The following KIF5A variants were observed in gnomAD, a reference collection of about 807,000 sequenced individuals.
KIF5A encodes the protein kinesin family member 5A, also known as kinesin heavy chain isoform 5A.
KIF5A carries 35 observed loss-of-function variants against 141.3 expected under a neutral mutation model. That is an observed-to-expected ratio of 0.25 (90% CI 0.19 to 0.33). KIF5A has a LOEUF of 0.33. Ranked by LOEUF, KIF5A falls within the 10% of genes least tolerant of loss-of-function variation. KIF5A has a pLI of 1.00. For synonymous variants in KIF5A, 448 were observed against 500.2 expected, an observed-to-expected ratio of 0.90 and a Z score of 1.39; for missense variants, 861 against 1,314.3, an observed-to-expected ratio of 0.66 and a Z score of 5.33.
rs962348444 is a variant in KIF5A, at chr12:57,572,447, C to T, written c.1570-133C>T. The T allele has an allele frequency of 2.5e-5, 34 of 1,345,222 alleles. No homozygotes were observed. Among genetic ancestry groups the T allele is most frequent in the Admixed American group, 7.8e-5 (4 of 50,992 alleles). The allele number at this position is 1,345,222 out of a possible 1,614,324, so 83.3% of individuals were successfully genotyped here. A position where few individuals can be genotyped will look rare whatever the true frequency, so the allele number is the denominator to read the frequency against. On this transcript the variant is annotated intron_variant, in intron 14 of 28. Transcript: ENST00000455537. This position sits in a 1 kb window ranked among gnomAD's most constrained non-coding sequence, Gnocchi z 4.2. ...TTCCCCTCACAGTCCCTCTGTCTTT[C>T]AGACTCTTCTGCAGGGCCTGTGTTC...
Position 57,569,975 on chromosome 12 carries a change from G to C in KIF5A, c.1118-12G>C. The C allele has an allele frequency of 6.2e-7, 1 of 1,612,464 alleles. No individual in the cohort carries two copies. On this transcript the variant is annotated splice_polypyrimidine_tract_variant and intron_variant, in intron 11 of 28. Transcript: ENST00000455537. The stretch of plus-strand genomic sequence containing the variant: ...CTTCTTCCATCTCTCACCTCGTCTT[G>C]CCCCTTTGCAGGAGAGAATGTGCCT...
In KIF5A at chr12:57,572,193, G is replaced by A. The variant is rs1467600087; in HGVS notation, c.1495G>A (p.Asp499Asn). The A allele has an allele frequency of 6.2e-7, 1 of 1,613,404 alleles. No homozygotes were observed. Among genetic ancestry groups the A allele is most frequent in the Non-Finnish European group, 8.5e-7 (1 of 1,179,744 alleles). The stretch of plus-strand genomic sequence containing the variant: ...CCTGGAGGAGCTGGCTGTGAACTAT[G>A]ACCAGAAGTCCCAGGAGGTGGAGGA... Reference protein sequence around the residue: ...QALEELAVNYDQKSQEVEEKS... With the variant: ...QALEELAVNYNQKSQEVEEKS... The change falls in exon 14 of 29, where the codon GAC (aspartate) becomes AAC (asparagine). Residue 499 changes from aspartate to asparagine, a missense_variant. Transcript: ENST00000455537. The surrounding 1 kb of genome is among the most constrained non-coding windows in gnomAD (Gnocchi z 4.2).
At position 57,572,056 on chromosome 12, in the gene KIF5A, T is replaced by C. The variant is rs747818828; in HGVS notation, c.1363-5T>C. ...TTTCCCACATGCCACTCCTCTCCCT[T>C]GAAGCTGCTGGTGTCCACCCGAGGA... On this transcript the variant is annotated splice_region_variant and splice_polypyrimidine_tract_variant and intron_variant, in intron 13 of 28. Transcript: ENST00000455537. This position sits in a 1 kb window ranked among gnomAD's most constrained non-coding sequence, Gnocchi z 4.2. 3 of 1,612,410 alleles carry C rather than the reference T, an allele frequency of 1.9e-6. No individual in the cohort carries two copies. Among genetic ancestry groups the C allele is most frequent in the Non-Finnish European group, 2.5e-6 (3 of 1,179,760 alleles).
At chr12:57,559,055 G>A (rs1310393195) in intron 1 of KIF5A, among the ~76,000 whole-genome samples, 3 of 152,186 alleles carry the variant, frequency 2.0e-5, no homozygotes, top group African/African-American at 7.2e-5. Flanking sequence ...CGGATTACAC[G>A]GTACATGAGC....
chr12:57,576,170 A>G lies in KIF5A; in HGVS notation c.2088+19A>G. 6.2e-7 allele frequency: 1 copy of G among 1,613,736 alleles called. No individual in the cohort carries two copies. The highest frequency in any genetic ancestry group is 8.5e-7 in the Non-Finnish European group (1 of 1,179,590). ...AGTGAAGGTGAGTAAGGAAGGTGTC[A>G]GGGACAATTGGGGCCTGGTGTGGTG... On this transcript the variant is annotated intron_variant, in intron 18 of 28. Coordinates refer to ENST00000455537, the MANE Select transcript of KIF5A (RefSeq NM_004984.4).
intron 7 of KIF5A, 83 bp from the exon 8 acceptor site, chr12:57,567,411 G>C: frequency 6.4e-7 from 1 of 1,567,790 alleles, no homozygotes; most frequent in Non-Finnish European, 8.7e-7. Flanking sequence ...TGGGTGGGCG[G>C]GGCTGGGGTC....
intron 23 of KIF5A, 56 bp downstream of exon 23, chr12:57,578,398 C>T: frequency 2.5e-6 from 3 of 1,204,204 alleles, no homozygotes; most frequent in Non-Finnish European, 3.7e-6. Flanking sequence ...GCTAGCATAC[C>T]AAATCCTCAG....
intron 1 of KIF5A, among the ~76,000 whole-genome samples, chr12:57,551,231 T>G (rs1335961940): frequency 6.6e-6 from 1 of 152,160 alleles, no homozygotes; most frequent in East Asian, 1.9e-4. Flanking sequence ...GAACTAATAT[T>G]AACAGTGGGC....
chr12:57,565,121 A>G (rs1428402352), intron 6 of KIF5A, 148 bp downstream of exon 6: 1 of 748,100 alleles, frequency 1.3e-6, no homozygotes. Context: ...CTAGGGGATC[A>G]GAAAAGATAC....
rs1316537934 is a variant in KIF5A at position 57,572,063 on chromosome 12, G to T, written c.1365G>T (p.Leu455=). ...LKQQMLDQEE[L]LVSTRGDNEK... is the part of the protein sequence containing the mutation. ...CATGCCACTCCTCTCCCTTGAAGCTGCTGGTGTCCACCCGAGGAGACAACG... is the reference window on the plus strand; with the variant it reads ...CATGCCACTCCTCTCCCTTGAAGCTTCTGGTGTCCACCCGAGGAGACAACG... Residue 455 remains leucine (L), a splice_region_variant and synonymous_variant, in exon 14 of 29, where the codon CTG becomes CTT. Transcript: ENST00000455537. The surrounding 1 kb of genome is among the most constrained non-coding windows in gnomAD (Gnocchi z 4.2). 6.2e-7 allele frequency: 1 copy of T among 1,612,884 alleles called. No individual in the cohort carries two copies. The highest frequency in any genetic ancestry group is 2.2e-5 in the East Asian group (1 of 44,880).
rs1001932056 is a variant in KIF5A at position 57,572,448 on chromosome 12, A to G, written c.1570-132A>G. ...TCCCCTCACAGTCCCTCTGTCTTTCAGACTCTTCTGCAGGGCCTGTGTTCT... is the reference window on the plus strand; with the variant it reads ...TCCCCTCACAGTCCCTCTGTCTTTCGGACTCTTCTGCAGGGCCTGTGTTCT... On this transcript the variant is annotated intron_variant, in intron 14 of 28. Transcript: ENST00000455537. The surrounding 1 kb of genome is among the most constrained non-coding windows in gnomAD (Gnocchi z 4.2). 1.5e-6 allele frequency: 2 copies of G among 1,349,388 alleles called. No individual in the cohort carries two copies. The highest frequency in any genetic ancestry group is 2.1e-6 in the Non-Finnish European group (2 of 964,988). The allele number at this position is 1,349,388 out of a possible 1,614,324, so 83.6% of individuals were successfully genotyped here. A position where few individuals can be genotyped will look rare whatever the true frequency, so the allele number is the denominator to read the frequency against.
intron 1 of KIF5A, among the ~76,000 whole-genome samples, chr12:57,562,744 G>A (rs2140158287): frequency 6.6e-6 from 1 of 152,240 alleles, no homozygotes; most frequent in Middle Eastern, 3.4e-3. Context: ...CAGGGTACGT[G>A]GATCTGTTGA....
chr12:57,561,605 A>G (rs1767281981), intron 1 of KIF5A, among the ~76,000 whole-genome samples: 1 of 152,182 alleles, frequency 6.6e-6, no homozygotes, highest in African/African-American at 2.4e-5. Flanking sequence ...ATTAAAAAAC[A>G]TTTATTAGTT....
intron 27 of KIF5A, 171 bp from the exon 28 acceptor site, chr12:57,582,930 T>C: frequency 4.3e-6 from 3 of 689,916 alleles, no homozygotes; most frequent in South Asian, 3.3e-5. Context: ...CCTTGTGACA[T>C]TGGACAAGTC....
chr12:57,553,958 C>T (rs189494439), intron 1 of KIF5A, among the ~76,000 whole-genome samples: 9 of 151,906 alleles, frequency 5.9e-5, no homozygotes, highest in Middle Eastern at 3.4e-3. Context: ...ACAGAGTCTT[C>T]GATTACCTGG....
rs1351145896 is a variant in KIF5A at position 57,567,677 on chromosome 12, T to C, written c.714+59T>C. 4.9e-5 allele frequency: 73 copies of C among 1,487,650 alleles called. No homozygotes were observed. In the South Asian group the frequency reaches 8.1e-4, roughly 17 times the overall value. 92.2% of individuals were successfully genotyped at this position (1,487,650 alleles called of 1,614,324 possible). A position where few individuals can be genotyped will look rare whatever the true frequency, so the allele number is the denominator to read the frequency against. ...GCCTTGGCTCTTTTTTTTTTTTTTT[T>C]TGAGACAGAGTCTCACTCTGTCGCC... is the stretch of plus-strand genomic sequence containing the variant. On this transcript the variant is annotated intron_variant, in intron 8 of 28. Transcript: ENST00000455537.
rs2140167547 is a variant in KIF5A, at chr12:57,575,289, G to A, written c.1905+17G>A. ...ATCTCTCAGGTGAGTGCCTAAGTTT[G>A]AGAACCTTCAGATGCCATGGGAGAA... On this transcript the variant is annotated intron_variant, in intron 16 of 28. Transcript: ENST00000455537. 6.2e-7 allele frequency: 1 copy of A among 1,610,914 alleles called. No individual in the cohort carries two copies. The highest frequency in any genetic ancestry group is 8.5e-7 in the Non-Finnish European group (1 of 1,178,488).
intron 22 of KIF5A, 65 bp downstream of exon 22, chr12:57,578,145 C>G (rs773009345): frequency 1.4e-4 from 221 of 1,576,540 alleles, no homozygotes; most frequent in Middle Eastern, 6.8e-4. Flanking sequence ...GTTTCTCCTG[C>G]CCCTGTTGCC....
Position 57,572,086 on chromosome 12 carries a change from A to T in KIF5A, c.1388A>T (p.Asn463Ile). Residue 463 changes from asparagine to isoleucine, a missense_variant, in exon 14 of 29, where the codon AAC becomes ATC. This residue lies in a region of KIF5A where 167 missense variants were observed against 192.0 expected (regional missense o/e 0.87). Transcript: ENST00000455537. The surrounding 1 kb of genome is among the most constrained non-coding windows in gnomAD (Gnocchi z 4.2). ...CTGCTGGTGTCCACCCGAGGAGACAACGAGAAGGTCCAGCGGGAGCTGAGC... is the reference window on the plus strand; with the variant it reads ...CTGCTGGTGTCCACCCGAGGAGACATCGAGAAGGTCCAGCGGGAGCTGAGC... The part of the protein sequence containing the change: ...EELLVSTRGD[N>I]EKVQRELSHL... 1.2e-6 allele frequency: 2 copies of T among 1,613,834 alleles called. No individual in the cohort carries two copies. The highest frequency in any genetic ancestry group is 1.7e-6 in the Non-Finnish European group (2 of 1,180,022).
Sources: allele counts gnomAD v4.1 joint callset (sites outside exome capture counted in the v4.1 genomes callset), GRCh38; gene constraint gnomAD v4.1.1; regional missense constraint gnomAD v4.1.1; non-coding constraint Gnocchi (gnomAD v3.1); transcripts MANE v1.5; gene names NCBI Gene and HGNC (gene_info 2026-07-23, HGNC 2026-07-21).